Variants in LSAMP observed in about 807,000 individuals in gnomAD.
LSAMP encodes the protein limbic system associated membrane protein.
In LSAMP, 7 loss-of-function variants were observed where a neutral mutation model predicts 38.6. The observed-to-expected ratio is 0.18, with a 90% CI of 0.10 to 0.34. The LOEUF (loss-of-function observed/expected upper bound fraction) is 0.34. LSAMP is among the 10% of genes least tolerant of loss of function. The pLI, the probability that LSAMP is intolerant of heterozygous loss-of-function variation, is 1.00. For synonymous variants in LSAMP, 154 were observed against 166.8 expected (o/e 0.92, Z 0.59); for missense variants, 313 against 420.0 (o/e 0.75, Z 2.23).
At chr3:115,858,005 C>T (rs1935559816) in intron 3 of LSAMP, among the ~76,000 whole-genome samples, 1 of 152,124 alleles carries the variant, frequency 6.6e-6, no homozygotes, top group African/African-American at 2.4e-5. Context: ...AAAATGTTGA[C>T]TGATTTAGAT....
chr3:115,973,262 G>C (rs1270698198), intron 3 of LSAMP, among the ~76,000 whole-genome samples: 1 of 152,198 alleles, frequency 6.6e-6, no homozygotes, highest in Non-Finnish European at 1.5e-5. Flanking sequence ...ACAAATTAGA[G>C]ATGAGAATGG....
At chr3:115,992,360 TC>T (rs1939695495) in intron 3 of LSAMP, among the ~76,000 whole-genome samples, 1 of 151,986 alleles carries the variant, frequency 6.6e-6, no homozygotes, top group South Asian at 2.1e-4. Context: ...CTCCTCCAGG[TC>T]AAAAAATCTT....
At chr3:116,027,145 T>A (rs2107698249) in intron 2 of LSAMP, among the ~76,000 whole-genome samples, 1 of 152,302 alleles carries the variant, frequency 6.6e-6, no homozygotes, top group African/African-American at 2.4e-5. Flanking sequence ...TCCTTTATTT[T>A]TACTTGTCAA....
intron 3 of LSAMP, among the ~76,000 whole-genome samples, chr3:115,939,881 T>C (rs1576238116): frequency 6.6e-6 from 1 of 152,232 alleles, no homozygotes; most frequent in East Asian, 1.9e-4. Context: ...GTGTCCAGCA[T>C]TGGTTCCTTC....
At chr3:115,844,630 G>T (rs904032225) in intron 4 of LSAMP, among the ~76,000 whole-genome samples, 2 of 152,224 alleles carry the variant, frequency 1.3e-5, no homozygotes, top group South Asian at 4.1e-4. Context: ...GTCCTTCCTC[G>T]TTTGAGAGTT....
intron 3 of LSAMP, among the ~76,000 whole-genome samples, chr3:115,899,981 A>G (rs903402212): frequency 6.6e-6 from 1 of 152,180 alleles, no homozygotes; most frequent in African/African-American, 2.4e-5. Flanking sequence ...AATGGCCTCT[A>G]TGTACTATAA....
chr3:116,240,879 C>T (rs1312368564), intron 1 of LSAMP, among the ~76,000 whole-genome samples: 1 of 152,130 alleles, frequency 6.6e-6, no homozygotes, highest in Non-Finnish European at 1.5e-5. Flanking sequence ...AATTTATTTT[C>T]CTTAACCTGC....
intron 2 of LSAMP, among the ~76,000 whole-genome samples, chr3:116,019,971 A>C (rs1940592936): frequency 6.6e-6 from 1 of 152,172 alleles, no homozygotes. Context: ...TATGTAAATT[A>C]ATATTATCAT....
intron 6 of LSAMP, among the ~76,000 whole-genome samples, chr3:115,827,960 A>T (rs2107477616): frequency 6.6e-6 from 1 of 152,306 alleles, no homozygotes; most frequent in South Asian, 2.1e-4. Context: ...ATAACTTGTG[A>T]TGATGAAAGA....
rs140070506 is a variant in LSAMP at position 116,072,608 on chromosome 3, G to A, written c.388+13716C>T. Among the ~76,000 whole-genome samples the A allele has an allele frequency of 4.0e-3, 610 of 152,038 alleles. 5 individuals carry two copies. The highest frequency in any genetic ancestry group is 0.014 in the African/African-American group (584 of 41,456). ...TTGCCATTTTGACTGGTGTGAGACGGTATTTCATTGTGGTTTTGATTTGTA... is the reference window on the plus strand; with the variant it reads ...TTGCCATTTTGACTGGTGTGAGACGATATTTCATTGTGGTTTTGATTTGTA... On this transcript the variant is annotated intron_variant, in intron 2 of 6. Coordinates refer to ENST00000490035, the MANE Select transcript of LSAMP (RefSeq NM_002338.5).
At chr3:116,109,444 C>T (rs920904947) in intron 1 of LSAMP, among the ~76,000 whole-genome samples, 1 of 152,058 alleles carries the variant, frequency 6.6e-6, no homozygotes, top group Non-Finnish European at 1.5e-5. Flanking sequence ...ACTGAGGCGA[C>T]AGGCGGGAGG....
chr3:116,432,584 G>A (rs1356076924), intron 1 of LSAMP, among the ~76,000 whole-genome samples: 1 of 151,740 alleles, frequency 6.6e-6, no homozygotes, highest in Non-Finnish European at 1.5e-5. Flanking sequence ...TAAAAAAATT[G>A]TGCATATTAT....
chr3:115,854,368 C>T (rs1176450455), intron 3 of LSAMP, among the ~76,000 whole-genome samples: 17 of 148,392 alleles, frequency 1.1e-4, no homozygotes, highest in Admixed American at 8.8e-4. Context: ...CTGCAAGCTC[C>T]GCCTCCCAGG....
At chr3:116,207,044 T>C (rs1482639597) in intron 1 of LSAMP, among the ~76,000 whole-genome samples, 11 of 151,772 alleles carry the variant, frequency 7.2e-5, no homozygotes, top group Non-Finnish European at 1.6e-4. Context: ...AGTCTAAGTC[T>C]CTTTGTAGGT....
At chr3:116,383,339 A>G (rs886713791) in intron 1 of LSAMP, among the ~76,000 whole-genome samples, 6 of 152,150 alleles carry the variant, frequency 3.9e-5, no homozygotes, top group African/African-American at 1.4e-4. Flanking sequence ...TATGCCCCAT[A>G]GCTCAAAAGT....
At chr3:116,247,821 C>A (rs1171393109) in intron 1 of LSAMP, among the ~76,000 whole-genome samples, 1 of 152,084 alleles carries the variant, frequency 6.6e-6, no homozygotes, top group Non-Finnish European at 1.5e-5. Context: ...AGGAACCTGG[C>A]CAATGTTAAT....
In LSAMP at chr3:115,999,863, G is replaced by A. The variant is rs111647553; in HGVS notation, c.514+19652C>T. Reference sequence around the variant, plus strand: ...TCCTCTCAGTTGGAGACTGGCCCCTGCAAGCACACAGCTTCTGCCACTGCA... The same window carrying A: ...TCCTCTCAGTTGGAGACTGGCCCCTACAAGCACACAGCTTCTGCCACTGCA... On this transcript the variant is annotated intron_variant, in intron 3 of 6. Coordinates refer to ENST00000490035, the MANE Select transcript of LSAMP (RefSeq NM_002338.5). Among the ~76,000 whole-genome samples the A allele has an allele frequency of 6.1e-3, 923 of 152,236 alleles. 11 individuals carry two copies. The highest frequency in any genetic ancestry group is 0.021 in the African/African-American group (882 of 41,530).
intron 3 of LSAMP, among the ~76,000 whole-genome samples, chr3:115,939,381 T>A (rs1937817660): frequency 6.6e-6 from 1 of 152,162 alleles, no homozygotes; most frequent in Non-Finnish European, 1.5e-5. Flanking sequence ...TAAAGGGTAA[T>A]AGTTTACTTC....
intron 1 of LSAMP, among the ~76,000 whole-genome samples, chr3:116,119,721 C>T (rs144603614): frequency 0.022 from 3,209 of 149,178 alleles, 115 homozygotes; most frequent in African/African-American, 0.076. Context: ...TACAGTGGTG[C>T]GATCTCGGCT....
Sources: gnomAD v4.1 joint callset for allele counts (sites outside exome capture counted in the v4.1 genomes callset) on GRCh38, gnomAD v4.1.1 for gene constraint, MANE v1.5 for transcripts, NCBI Gene and HGNC (gene_info 2026-07-23, HGNC 2026-07-21) for gene names.